The following MYOM2 variants were observed in gnomAD, a reference collection of about 807,000 sequenced individuals.
MYOM2 encodes the protein myomesin 2, also known as myomesin-2.
Under a neutral mutation model 187.6 loss-of-function variants are expected in MYOM2, and 254 were observed. That is an observed-to-expected ratio of 1.35 (90% CI 1.22 to 1.50). The LOEUF is 1.50. Among genes scored for constraint, MYOM2 ranks in the 40% most tolerant of loss-of-function variants. The pLI, the probability that MYOM2 is intolerant of heterozygous loss-of-function variation, is 0.00. For missense variants in MYOM2, 2,796 were observed against 1,924.0 expected (o/e 1.45, Z -8.48); for synonymous variants, 981 against 753.8 (o/e 1.30, Z -4.94).
chr8:2,136,157 C>T (rs73657765), intron 32 of MYOM2, among the ~76,000 whole-genome samples: 19,838 of 152,190 alleles, frequency 0.13, 2,196 homozygotes, highest in African/African-American at 0.28. Context: ...GGTCAGAACG[C>T]CAACATGGGC....
chr8:2,115,544 T>A (rs1797211528), intron 25 of MYOM2, among the ~76,000 whole-genome samples: 1 of 152,230 alleles, frequency 6.6e-6, no homozygotes, highest in African/African-American at 2.4e-5. Context: ...TCCCGGGAGC[T>A]GAAGATGACA....
rs771090146 is a variant in MYOM2, at chr8:2,076,143, G to GA, written c.1123_1124insA (p.Ala375AspfsTer2). 2 of 1,611,332 alleles carry GA rather than the reference G, an allele frequency of 1.2e-6. No individual in the cohort carries two copies. The highest frequency in any genetic ancestry group is 2.2e-5 in the South Asian group (2 of 90,618). ...GCCTTTTCTCTCCCTGCCCCAAGAT[G>GA]CTGACCCGCTGGTCACAGGGGCCCC... On this transcript the variant is annotated frameshift_variant, in exon 11 of 37. Transcript: ENST00000262113. LOFTEE classifies it high-confidence loss of function.
At chr8:2,101,117 G>C in intron 20 of MYOM2, 63 bp downstream of exon 20, 1 of 1,549,882 alleles carries the variant, frequency 6.5e-7, no homozygotes, top group Non-Finnish European at 8.8e-7. Context: ...AGGTAAAGGC[G>C]GGCCAATCAC....
Position 2,120,314 on chromosome 8 carries a change from C to T in MYOM2, c.3453+2362C>T, listed in dbSNP as rs118030479. Among the ~76,000 whole-genome samples, 571 of 151,916 alleles carry T rather than the reference C, an allele frequency of 3.8e-3. 13 individuals carry two copies. In the East Asian group the frequency reaches 0.073, roughly 20 times the overall value. ...AGTTGAGCAGGAAAGTGAGGCCAGG[C>T]GGGATAAATGGAGAGGAGGCAGGGC... On this transcript the variant is annotated intron_variant, in intron 28 of 36. Coordinates refer to ENST00000262113, the MANE Select transcript of MYOM2 (RefSeq NM_003970.4).
At chr8:2,065,352 C>T (rs975910135) in intron 6 of MYOM2, among the ~76,000 whole-genome samples, 19 of 152,108 alleles carry the variant, frequency 1.2e-4, no homozygotes, top group African/African-American at 4.3e-4. Context: ...AGGTGAATCA[C>T]GAGGTCAGGA....
At chr8:2,060,389 T>A (rs991414758) in intron 6 of MYOM2, among the ~76,000 whole-genome samples, 1 of 152,112 alleles carries the variant, frequency 6.6e-6, no homozygotes, top group African/African-American at 2.4e-5. Flanking sequence ...GAGACTCCAA[T>A]AAGAAGATGC....
intron 18 of MYOM2, among the ~76,000 whole-genome samples, chr8:2,097,799 G>A (rs770047561): frequency 6.6e-6 from 1 of 152,226 alleles, no homozygotes; most frequent in Non-Finnish European, 1.5e-5. Context: ...TTACAGGCGT[G>A]AGTCACTGTG....
At chr8:2,046,450 G>A (rs1254380660) in intron 1 of MYOM2, among the ~76,000 whole-genome samples, 1 of 152,178 alleles carries the variant, frequency 6.6e-6, no homozygotes, top group African/African-American at 2.4e-5. Context: ...GCTGGCGCCT[G>A]GGTTCGGCCG....
chr8:2,112,772 G>A (rs986418826), intron 25 of MYOM2, among the ~76,000 whole-genome samples: 1 of 152,184 alleles, frequency 6.6e-6, no homozygotes, highest in Admixed American at 6.5e-5. Context: ...GAAAACAAAT[G>A]CACGTGATTT....
chr8:2,092,553 C>G, intron 16 of MYOM2, 33 bp downstream of exon 16: 1 of 1,607,674 alleles, frequency 6.2e-7, no homozygotes, highest in Non-Finnish European at 8.5e-7. Flanking sequence ...TGGAGTCAGC[C>G]TTGCAGGAGT....
In MYOM2 at chr8:2,052,233, G is replaced by A. The variant is rs771222686; in HGVS notation, c.183G>A (p.Thr61=). 1.3e-5 allele frequency: 21 copies of A among 1,613,140 alleles called. No individual in the cohort carries two copies. The East Asian group carries it at 2.7e-4, about 21-fold the overall frequency. ...CTTCACAGAGAGCCTCCAGCCAGACGTCCCTGGGAGGAACCATCTGCAGGG... is the reference window on the plus strand; with the variant it reads ...CTTCACAGAGAGCCTCCAGCCAGACATCCCTGGGAGGAACCATCTGCAGGG... ...RSSSQRASSQ[T]SLGGTICRVC... The change falls in exon 3 of 37, where the codon ACG becomes ACA. Residue 61 remains threonine, a synonymous_variant. Transcript: ENST00000262113.
chr8:2,074,428 G>A (rs1371983661), intron 10 of MYOM2, among the ~76,000 whole-genome samples: 1 of 152,088 alleles, frequency 6.6e-6, no homozygotes, highest in African/African-American at 2.4e-5. Context: ...TGAGCAGAAG[G>A]GGCCCACCTA....
chr8:2,112,154 G>T (rs946328085), intron 25 of MYOM2, among the ~76,000 whole-genome samples: 1 of 152,140 alleles, frequency 6.6e-6, no homozygotes, highest in African/African-American at 2.4e-5. Context: ...CAATACACCA[G>T]CAGGGACAGA....
At chr8:2,063,264 G>C (rs1818909005) in intron 6 of MYOM2, among the ~76,000 whole-genome samples, 1 of 152,236 alleles carries the variant, frequency 6.6e-6, no homozygotes, top group Non-Finnish European at 1.5e-5. Context: ...TTCAGTGGCA[G>C]AATGTGTTGG....
intron 25 of MYOM2, among the ~76,000 whole-genome samples, chr8:2,111,082 T>A (rs1797054649): frequency 6.6e-6 from 1 of 152,170 alleles, no homozygotes; most frequent in Non-Finnish European, 1.5e-5. Flanking sequence ...TGAAAGGGAA[T>A]TTAGGGGAAT....
rs557353755 is a variant in MYOM2, at chr8:2,057,427, G to A, written c.343G>A (p.Val115Ile). ...CGAGCTGGCCCACTTGGAGGAGGATGTCCACCTGGCACGCTCCCAGGCCCG... is the reference window on the plus strand; with the variant it reads ...CGAGCTGGCCCACTTGGAGGAGGATATCCACCTGGCACGCTCCCAGGCCCG... ...LSELAHLEED[V>I]HLARSQARDK... The change falls in exon 4 of 37, where the codon GTC (valine) becomes ATC (isoleucine). Residue 115 changes from valine to isoleucine, a missense_variant. Val to Ile is a conservative substitution (Grantham distance 29). Coordinates refer to ENST00000262113, the MANE Select transcript of MYOM2 (RefSeq NM_003970.4). 52 of 1,614,044 alleles carry A rather than the reference G, an allele frequency of 3.2e-5. 2 individuals carry two copies. The South Asian group carries it at 5.6e-4, about 17-fold the overall frequency.
intron 35 of MYOM2, 26 bp downstream of exon 35, chr8:2,142,423 G>T (rs367858488): frequency 3.7e-6 from 6 of 1,612,714 alleles, no homozygotes; most frequent in Non-Finnish European, 5.1e-6. Flanking sequence ...ATTGTAACCA[G>T]GATGGTGAAT....
chr8:2,064,860 C>T (rs1008325086), intron 6 of MYOM2, among the ~76,000 whole-genome samples: 3 of 152,176 alleles, frequency 2.0e-5, no homozygotes, highest in Non-Finnish European at 4.4e-5. Flanking sequence ...CTTCCTGTAC[C>T]CCTCCCAGCT....
At chr8:2,135,965 G>T (rs534138385) in intron 32 of MYOM2, among the ~76,000 whole-genome samples, 73 of 152,328 alleles carry the variant, frequency 4.8e-4, no homozygotes, top group African/African-American at 1.6e-3. Context: ...TGGGAAGCTG[G>T]AAACCAGCAT....
Sources: gnomAD v4.1 joint callset for allele counts (sites outside exome capture counted in the v4.1 genomes callset) on GRCh38, gnomAD v4.1.1 for gene constraint, MANE v1.5 for transcripts, NCBI Gene and HGNC (gene_info 2026-07-23, HGNC 2026-07-21) for gene names.